JAK2: variants seen among roughly 807,000 people sequenced by gnomAD.
JAK2 encodes tyrosine-protein kinase JAK2.
A neutral mutation model predicts 139.3 loss-of-function variants in JAK2; 86 were observed. That is an observed-to-expected ratio of 0.62 (90% CI 0.52 to 0.74). The LOEUF (loss-of-function observed/expected upper bound fraction) is 0.74, where lower values mean the gene tolerates loss of function less well. Among genes scored for constraint, JAK2 ranks in the 30% least tolerant of loss-of-function variants. The pLI is 0.00. For synonymous variants in JAK2, 490 were observed against 437.7 expected, an observed-to-expected ratio of 1.12 and a Z score of -1.49; for missense variants, 1,421 against 1,360.3, an observed-to-expected ratio of 1.04 and a Z score of -0.70.
intron 4 of JAK2, 104 bp downstream of exon 4, chr9:5,030,010 C>T (rs1823039378): frequency 3.3e-6 from 3 of 912,674 alleles, no homozygotes; most frequent in South Asian, 1.9e-5. Flanking sequence ...ATACCTGAAC[C>T]AATTAGTTAG....
In JAK2 at chr9:5,128,227, C is replaced by G. The variant is rs563703488; in HGVS notation, c.*1436C>G. 5 of 230,496 alleles carry G rather than the reference C, an allele frequency of 2.2e-5. No homozygotes were observed. The highest frequency in any genetic ancestry group is 1.8e-4 in the South Asian group (1 of 5,504). 14.3% of individuals were successfully genotyped at this position (230,496 alleles called of 1,614,324 possible). On this transcript the variant is annotated 3_prime_UTR_variant, in exon 25 of 25. Coordinates refer to ENST00000381652, the MANE Select transcript of JAK2 (RefSeq NM_004972.4). ...ACTTTTTTGAAAGTTGTACTGAAGA[C>G]TTCTGATTTTGGGTTGAAGGGAAGG...
At chr9:5,004,204 A>T (rs1208406635) in intron 2 of JAK2, among the ~76,000 whole-genome samples, 1 of 152,196 alleles carries the variant, frequency 6.6e-6, no homozygotes, top group Non-Finnish European at 1.5e-5. Flanking sequence ...GGTAATCACC[A>T]TGATGTACAA....
intron 2 of JAK2, among the ~76,000 whole-genome samples, chr9:5,003,400 A>C (rs1192675565): frequency 6.6e-6 from 1 of 152,006 alleles, no homozygotes; most frequent in Non-Finnish European, 1.5e-5. Context: ...TTTTGTAGAA[A>C]TGTTTTACAG....
At chr9:5,116,577 A>G (rs1023668560) in intron 22 of JAK2, among the ~76,000 whole-genome samples, 8 of 152,208 alleles carry the variant, frequency 5.3e-5, no homozygotes, top group Non-Finnish European at 7.3e-5. Flanking sequence ...TTAGCTGGCA[A>G]TCAAAAAATA....
intron 2 of JAK2, among the ~76,000 whole-genome samples, chr9:5,019,081 T>C (rs931656312): frequency 3.9e-5 from 6 of 152,198 alleles, no homozygotes; most frequent in Non-Finnish European, 8.8e-5. Flanking sequence ...AGCTTCTGTA[T>C]CTGAATGTCT....
At chr9:5,046,043 A>G (rs942618317) in intron 5 of JAK2, among the ~76,000 whole-genome samples, 2 of 152,138 alleles carry the variant, frequency 1.3e-5, no homozygotes, top group African/African-American at 4.8e-5. Context: ...ATCCTCAACA[A>G]TGCTTTGCTT....
At position 5,126,745 on chromosome 9, in the gene JAK2, A is replaced by T; in HGVS notation, c.3353A>T (p.Asp1118Val). 1 of 1,611,164 alleles carries T rather than the reference A, an allele frequency of 6.2e-7. No individual in the cohort carries two copies. The highest frequency in any genetic ancestry group is 8.5e-7 in the Non-Finnish European group (1 of 1,177,774). ...GTAAATCAACGCCCCTCCTTTAGGG[A>T]TCTAGCTCTTCGAGTGGATCAAATA... The part of the protein sequence containing the change: ...NNVNQRPSFR[D>V]LALRVDQIRD... Residue 1118 changes from aspartate (D) to valine (V), a missense_variant, in exon 25 of 25, where the codon GAT (aspartate) becomes GTT (valine). Transcript: ENST00000381652.
chr9:4,989,922 T>C (rs1285632955), intron 2 of JAK2, among the ~76,000 whole-genome samples: 4 of 152,220 alleles, frequency 2.6e-5, no homozygotes, highest in Non-Finnish European at 5.9e-5. Flanking sequence ...CCTGTAGATA[T>C]GGAGAAGCTT....
At chr9:5,075,015 G>C (rs1451909162) in intron 14 of JAK2, among the ~76,000 whole-genome samples, 1 of 151,978 alleles carries the variant, frequency 6.6e-6, no homozygotes, top group Non-Finnish European at 1.5e-5. Flanking sequence ...GAAAGTTCTA[G>C]ATAGAAGATC....
intron 19 of JAK2, among the ~76,000 whole-genome samples, 181 bp downstream of exon 19, chr9:5,082,042 G>C (rs1586755827): frequency 6.6e-6 from 1 of 152,306 alleles, no homozygotes; most frequent in Non-Finnish European, 1.5e-5. Context: ...TGAATGAAGG[G>C]GGCCAGCCCC....
At chr9:4,995,956 G>C (rs1188004385) in intron 2 of JAK2, among the ~76,000 whole-genome samples, 4 of 151,934 alleles carry the variant, frequency 2.6e-5, no homozygotes, top group African/African-American at 7.3e-5. Flanking sequence ...GCCTCAAATT[G>C]TTAAAAATTC....
intron 22 of JAK2, among the ~76,000 whole-genome samples, chr9:5,113,263 G>A (rs1229002938): frequency 1.6e-5 from 2 of 123,352 alleles, no homozygotes; most frequent in African/African-American, 3.1e-5. Context: ...CATACACTTT[G>A]TCAGAAAAGA....
At chr9:5,055,940 A>G (rs1817734881) in intron 8 of JAK2, 152 bp downstream of exon 8, 5 of 631,058 alleles carry the variant, frequency 7.9e-6, no homozygotes, top group Non-Finnish European at 1.3e-5. Flanking sequence ...ACTTTTTGAT[A>G]ACATCTAGCT....
chr9:5,040,885 G>T (rs1345954944), intron 4 of JAK2: 3 of 284,098 alleles, frequency 1.1e-5, no homozygotes, highest in Non-Finnish European at 2.0e-5. Context: ...TCCGCGCCGC[G>T]CTGCTGAAGC....
At position 5,009,707 on chromosome 9, in the gene JAK2, G is replaced by T. The variant is rs148924860; in HGVS notation, c.-25-12256G>T. On this transcript the variant is annotated intron_variant, in intron 2 of 24. Coordinates refer to ENST00000381652, the MANE Select transcript of JAK2 (RefSeq NM_004972.4). ...ATCATTGCATATTTATGCTTTTTAT[G>T]TGTGTGCAGACAACTGTTTTTATGC... Among the ~76,000 whole-genome samples the T allele has an allele frequency of 2.6e-5, 4 of 152,012 alleles. No homozygotes were observed. In the East Asian group the frequency reaches 7.7e-4, roughly 29 times the overall value.
rs200047976 is a variant in JAK2 at position 5,126,454 on chromosome 9, T to A, written c.3291+8T>A. 2.1e-6 allele frequency: 3 copies of A among 1,421,278 alleles called. No individual in the cohort carries two copies. Among genetic ancestry groups the A allele is most frequent in the Non-Finnish European group, 2.9e-6 (3 of 1,027,370 alleles). 88.0% of individuals were successfully genotyped at this position (1,421,278 alleles called of 1,614,324 possible). Reference sequence around the variant, plus strand: ...GATGGATGCCCAGATGAGGTAACAATTTTTTTTTAATCCAGGGTAGTCATG... The same window carrying A: ...GATGGATGCCCAGATGAGGTAACAAATTTTTTTTAATCCAGGGTAGTCATG... On this transcript the variant is annotated splice_region_variant and intron_variant, in intron 24 of 24. Transcript: ENST00000381652.
At chr9:5,016,138 C>T (rs568749008) in intron 2 of JAK2, among the ~76,000 whole-genome samples, 9 of 152,246 alleles carry the variant, frequency 5.9e-5, no homozygotes, top group Admixed American at 6.5e-5. Context: ...GGGAACCTCC[C>T]GCCAAACGCT....
chr9:5,042,075 A>T (rs1816592385), intron 4 of JAK2: 1 of 220,428 alleles, frequency 4.5e-6, no homozygotes, highest in Non-Finnish European at 9.0e-6. Flanking sequence ...CGGCGGCCCC[A>T]TCCCCGGGAC....
intron 2 of JAK2, among the ~76,000 whole-genome samples, chr9:5,007,054 A>G (rs1448489189): frequency 6.6e-6 from 1 of 151,902 alleles, no homozygotes; most frequent in Non-Finnish European, 1.5e-5. Flanking sequence ...TGTTTTATCA[A>G]TTTTAATGCT....
Sources: gnomAD v4.1 joint callset for allele counts (sites outside exome capture counted in the v4.1 genomes callset) on GRCh38, gnomAD v4.1.1 for gene constraint, MANE v1.5 for transcripts, NCBI Gene and HGNC (gene_info 2026-07-23, HGNC 2026-07-21) for gene names.